The following REEP1 variants were observed in gnomAD, a reference collection of about 807,000 sequenced individuals.
REEP1 encodes the protein receptor accessory protein 1, also known as receptor expression-enhancing protein 1.
REEP1 carries 22 observed loss-of-function variants against 40.3 expected under a neutral mutation model. The observed-to-expected ratio is 0.55, with a 90% CI of 0.39 to 0.78. The LOEUF (loss-of-function observed/expected upper bound fraction) is 0.78, where lower values mean the gene tolerates loss of function less well. REEP1 is among the 30% of genes least tolerant of loss of function. The pLI is 0.00. For synonymous variants in REEP1, 116 were observed against 139.2 expected, an observed-to-expected ratio of 0.83 and a Z score of 1.17; for missense variants, 280 against 361.1, an observed-to-expected ratio of 0.78 and a Z score of 1.82.
intron 2 of REEP1, among the ~76,000 whole-genome samples, chr2:86,280,247 GA>G (rs1278957560): frequency 1.3e-5 from 2 of 152,196 alleles, no homozygotes; most frequent in Non-Finnish European, 2.9e-5. Context: ...TTTTTACCAA[GA>G]AACCTAATCT....
At chr2:86,253,632 A>G (rs1192483257) in intron 4 of REEP1, among the ~76,000 whole-genome samples, 2 of 152,306 alleles carry the variant, frequency 1.3e-5, no homozygotes, top group East Asian at 3.9e-4. Context: ...TAGGGATTTG[A>G]TAACCAGGTC....
intron 8 of REEP1, among the ~76,000 whole-genome samples, chr2:86,218,385 T>A (rs899613144): frequency 6.6e-6 from 1 of 152,180 alleles, no homozygotes; most frequent in Non-Finnish European, 1.5e-5. Flanking sequence ...GGCTCAGTGC[T>A]GGGCAGGCAC....
chr2:86,301,362 G>A (rs1368779372), intron 1 of REEP1, among the ~76,000 whole-genome samples: 4 of 152,326 alleles, frequency 2.6e-5, no homozygotes, highest in South Asian at 2.1e-4. Context: ...CCTGCATACC[G>A]GGCAGGGCAT....
At chr2:86,242,577 G>T (rs1675722381) in intron 5 of REEP1, among the ~76,000 whole-genome samples, 2 of 152,134 alleles carry the variant, frequency 1.3e-5, no homozygotes, top group Non-Finnish European at 2.9e-5. Context: ...GGCAGATGAA[G>T]CACCAACATG....
At chr2:86,330,312 T>A (rs1680706126) in intron 1 of REEP1, among the ~76,000 whole-genome samples, 1 of 152,082 alleles carries the variant, frequency 6.6e-6, no homozygotes, top group Non-Finnish European at 1.5e-5. Context: ...CCACTTGAAT[T>A]CAGGTTTGGC....
intron 5 of REEP1, chr2:86,239,846 T>C (rs1005654245): frequency 6.6e-6 from 1 of 152,274 alleles, no homozygotes; most frequent in Non-Finnish European, 1.5e-5. Flanking sequence ...GACGATGAAG[T>C]GGGGCCTGGC....
chr2:86,241,706 G>A lies in REEP1; in HGVS notation c.418-8904C>T, dbSNP rs544638788. ...ACAACTAACAGCTGCATGACCTTGG[G>A]CAAGTCACTCAAACCCCTGCTTGGT... On this transcript the variant is annotated intron_variant, in intron 5 of 8. Coordinates refer to ENST00000538924, the MANE Select transcript of REEP1 (RefSeq NM_001371279.1). Among the ~76,000 whole-genome samples, 3 of 152,302 alleles carry A rather than the reference G, an allele frequency of 2.0e-5. No individual in the cohort carries two copies. In the South Asian group the frequency reaches 6.2e-4, roughly 32 times the overall value.
intron 1 of REEP1, among the ~76,000 whole-genome samples, chr2:86,324,518 T>C (rs754512708): frequency 7.9e-5 from 12 of 152,138 alleles, no homozygotes; most frequent in Non-Finnish European, 1.8e-4. Context: ...ACTGTGCAAA[T>C]GGAATCGCAC....
chr2:86,308,349 C>G (rs774803771), intron 1 of REEP1, among the ~76,000 whole-genome samples: 3 of 151,404 alleles, frequency 2.0e-5, no homozygotes, highest in Non-Finnish European at 4.4e-5. Context: ...GATGCCCAGA[C>G]TAGGCAACAT....
intron 5 of REEP1, chr2:86,251,564 C>A (rs1357454231): frequency 3.2e-6 from 1 of 314,020 alleles, no homozygotes; most frequent in South Asian, 2.9e-5. Flanking sequence ...CCCAGTGCAC[C>A]CTAGGAAACT....
intron 5 of REEP1, among the ~76,000 whole-genome samples, chr2:86,242,428 C>T (rs1361524452): frequency 1.3e-5 from 2 of 152,096 alleles, no homozygotes; most frequent in African/African-American, 4.8e-5. Flanking sequence ...TACATGATGA[C>T]ATTAGTGCAG....
At chr2:86,280,251 C>G (rs1678000817) in intron 2 of REEP1, among the ~76,000 whole-genome samples, 1 of 152,208 alleles carries the variant, frequency 6.6e-6, no homozygotes, top group South Asian at 2.1e-4. Flanking sequence ...TACCAAGAAA[C>G]CTAATCTAAA....
chr2:86,311,165 A>G (rs1373705750), intron 1 of REEP1, among the ~76,000 whole-genome samples: 3 of 152,326 alleles, frequency 2.0e-5, no homozygotes, highest in East Asian at 1.9e-4. Context: ...CTGAACACCA[A>G]TGCAAACTTC....
intron 1 of REEP1, among the ~76,000 whole-genome samples, chr2:86,304,235 CT>C (rs1390153475): frequency 1.3e-5 from 2 of 152,276 alleles, no homozygotes; most frequent in Admixed American, 6.5e-5. Flanking sequence ...GGAACAATTT[CT>C]GTAAAACCAT....
chr2:86,247,939 C>A (rs921329182), intron 5 of REEP1, among the ~76,000 whole-genome samples: 2 of 152,134 alleles, frequency 1.3e-5, no homozygotes, highest in Admixed American at 6.5e-5. Context: ...ACAAAAAACA[C>A]TCCTGCAAAC....
At chr2:86,243,930 T>C (rs1675801401) in intron 5 of REEP1, among the ~76,000 whole-genome samples, 2 of 152,182 alleles carry the variant, frequency 1.3e-5, no homozygotes, top group South Asian at 2.1e-4. Flanking sequence ...ATCCTTACCC[T>C]CTTTGATTCA....
intron 2 of REEP1, among the ~76,000 whole-genome samples, chr2:86,275,956 T>G (rs72940124): frequency 0.067 from 10,214 of 152,234 alleles, 525 homozygotes; most frequent in African/African-American, 0.13. Flanking sequence ...GAATACATTG[T>G]TGGCCCAACG....
At chr2:86,325,937 G>A (rs1680479439) in intron 1 of REEP1, among the ~76,000 whole-genome samples, 1 of 152,170 alleles carries the variant, frequency 6.6e-6, no homozygotes, top group South Asian at 2.1e-4. Context: ...CCTGTCCTCT[G>A]CCTTCTCTTC....
At chr2:86,309,771 A>G (rs546851397) in intron 1 of REEP1, among the ~76,000 whole-genome samples, 1 of 152,262 alleles carries the variant, frequency 6.6e-6, no homozygotes, top group South Asian at 2.1e-4. Context: ...TACCCTCATG[A>G]TCCCATCTAA....
Sources: allele counts gnomAD v4.1 joint callset (sites outside exome capture counted in the v4.1 genomes callset), GRCh38; gene constraint gnomAD v4.1.1; transcripts MANE v1.5; gene names NCBI Gene and HGNC (gene_info 2026-07-23, HGNC 2026-07-21).